DPH6: variants seen among roughly 807,000 people sequenced by gnomAD.
The protein encoded by DPH6 is diphthine--ammonia ligase.
A neutral mutation model predicts 38.2 loss-of-function variants in DPH6; 33 were observed. That is an observed-to-expected ratio of 0.86 (90% CI 0.65 to 1.15). The LOEUF (loss-of-function observed/expected upper bound fraction) is 1.15. Ranked by LOEUF, DPH6 falls within the 50% of genes most tolerant of loss-of-function variation. The probability of loss-of-function intolerance (pLI) is 0.00; values close to 1 mark genes in which losing one functional copy is unlikely to be tolerated. For synonymous variants in DPH6, 108 were observed against 103.0 expected, an observed-to-expected ratio of 1.05 and a Z score of -0.30; for missense variants, 325 against 320.0, an observed-to-expected ratio of 1.02 and a Z score of -0.12.
chr15:35,431,023 T>C (rs994390710), intron 5 of DPH6, among the ~76,000 whole-genome samples: 1 of 152,162 alleles, frequency 6.6e-6, no homozygotes, highest in African/African-American at 2.4e-5. Context: ...TTTATTTTTC[T>C]TGCCTATATT....
At chr15:35,334,405 T>G (rs1817457745) in intron 3 of DPH6, among the ~76,000 whole-genome samples, 1 of 152,114 alleles carries the variant, frequency 6.6e-6, no homozygotes, top group African/African-American at 2.4e-5. Context: ...TCTTCTACTT[T>G]TATTTTAAGT....
downstream of DPH6, among the ~76,000 whole-genome samples, chr15:35,215,453 A>G (rs1051008852): frequency 3.3e-5 from 5 of 152,144 alleles, no homozygotes; most frequent in African/African-American, 1.2e-4. Flanking sequence ...CAGTGGTGTG[A>G]TCACTGCTCA....
chr15:35,331,091 A>C (rs576079145), intron 3 of DPH6: 4 of 152,298 alleles, frequency 2.6e-5, no homozygotes, highest in African/African-American at 9.6e-5. Flanking sequence ...GAAGAGTAAG[A>C]TAAAATAAAG....
At chr15:35,277,944 T>C (rs1316927906) in intron 3 of DPH6, among the ~76,000 whole-genome samples, 1 of 152,142 alleles carries the variant, frequency 6.6e-6, no homozygotes, top group Non-Finnish European at 1.5e-5. Context: ...TTGGAATTCA[T>C]ATTTAAAAGG....
intron 3 of DPH6, among the ~76,000 whole-genome samples, chr15:35,277,164 CT>C (rs371181686): frequency 7.8e-4 from 118 of 152,154 alleles, no homozygotes; most frequent in African/African-American, 2.8e-3. Flanking sequence ...ATGTATATTC[CT>C]AAGTATTTCT....
chr15:35,400,522 T>C (rs769003973), intron 6 of DPH6, among the ~76,000 whole-genome samples: 3 of 152,102 alleles, frequency 2.0e-5, no homozygotes, highest in Non-Finnish European at 4.4e-5. Context: ...ATCAGAGACA[T>C]AGAGGTAAAT....
At chr15:35,508,217 C>T (rs2054721816) in intron 3 of DPH6, among the ~76,000 whole-genome samples, 1 of 152,056 alleles carries the variant, frequency 6.6e-6, no homozygotes, top group South Asian at 2.1e-4. Context: ...AGACTTTGCC[C>T]AACAAATAGC....
At chr15:35,297,039 A>C (rs1007332096) in intron 3 of DPH6, among the ~76,000 whole-genome samples, 1 of 152,038 alleles carries the variant, frequency 6.6e-6, no homozygotes, top group Non-Finnish European at 1.5e-5. Context: ...TCACAATAGA[A>C]TTATCCCTGC....
At chr15:35,222,992 T>G (rs2051452758) in intron 3 of DPH6, among the ~76,000 whole-genome samples, 1 of 152,174 alleles carries the variant, frequency 6.6e-6, no homozygotes, top group Non-Finnish European at 1.5e-5. Context: ...GCTTGGCGAT[T>G]TTGGCGTCCA....
At chr15:35,267,363 G>T (rs2051789803) in intron 3 of DPH6, among the ~76,000 whole-genome samples, 1 of 151,968 alleles carries the variant, frequency 6.6e-6, no homozygotes, top group Admixed American at 6.6e-5. Flanking sequence ...TAGATCTGCA[G>T]CAGGACTGAG....
At chr15:35,327,567 T>G (rs747736504), downstream of DPH6, among the ~76,000 whole-genome samples, 16 of 152,098 alleles carry the variant, frequency 1.1e-4, no homozygotes, top group South Asian at 2.1e-4. Context: ...GGATGGTCTC[T>G]ATCTGCTGAC....
intron 3 of DPH6, among the ~76,000 whole-genome samples, chr15:35,464,930 C>G (rs2054110025): frequency 6.6e-6 from 1 of 152,156 alleles, no homozygotes; most frequent in African/African-American, 2.4e-5. Context: ...GCAACCAATA[C>G]AGAGTTTGAG....
Position 35,344,879 on chromosome 15 carries a change from A to G in DPH6, n.208-13802T>C, listed in dbSNP as rs2052449088. Among the ~76,000 whole-genome samples, 4 of 152,014 alleles carry G rather than the reference A, an allele frequency of 2.6e-5. No individual in the cohort carries two copies. The South Asian group carries it at 8.3e-4, about 32-fold the overall frequency. On this transcript the variant is annotated intron_variant and non_coding_transcript_variant, in intron 3 of 3. Transcript: ENST00000558973. ...ACCTAATCCTGGGGAATTACTTTTA[A>G]AACAGTGGGAATCATATTTCTAAAA...
the DPH6 span, among the ~76,000 whole-genome samples, chr15:35,170,812 T>C: frequency 6.6e-6 from 1 of 152,186 alleles, no homozygotes; most frequent in African/African-American, 2.4e-5. Context: ...TCTCATTGAC[T>C]GGATAGGGGG....
intron 6 of DPH6, among the ~76,000 whole-genome samples, chr15:35,394,737 C>A (rs1357521355): frequency 1.3e-5 from 2 of 152,126 alleles, no homozygotes; most frequent in Non-Finnish European, 2.9e-5. Context: ...GACAATAGTA[C>A]CAACCTCATA....
At chr15:35,323,014 T>C (rs2052253570) in intron 3 of DPH6, among the ~76,000 whole-genome samples, 1 of 152,164 alleles carries the variant, frequency 6.6e-6, no homozygotes, top group South Asian at 2.1e-4. Context: ...AACAGAATTT[T>C]TAACATTTTC....
chr15:35,237,290 C>T (rs1266384792), intron 3 of DPH6: 38 of 1,545,894 alleles, frequency 2.5e-5, no homozygotes, highest in Non-Finnish European at 3.2e-5. Context: ...TGATTGAATT[C>T]CAGCGGCGCG....
chr15:35,339,826 A>G (rs1244991825), intron 3 of DPH6, among the ~76,000 whole-genome samples: 1 of 152,084 alleles, frequency 6.6e-6, no homozygotes, highest in East Asian at 1.9e-4. Context: ...CTTTAGAGTA[A>G]GTGTTGTGTG....
At chr15:35,476,604 A>G (rs2054266518) in intron 3 of DPH6, among the ~76,000 whole-genome samples, 1 of 151,764 alleles carries the variant, frequency 6.6e-6, no homozygotes, top group South Asian at 2.1e-4. Flanking sequence ...TTGCTGCTAC[A>G]TTATAGTCAA....
Sources: allele counts gnomAD v4.1 joint callset (sites outside exome capture counted in the v4.1 genomes callset), GRCh38; gene constraint gnomAD v4.1.1; transcripts MANE v1.5; gene names NCBI Gene and HGNC (gene_info 2026-07-23, HGNC 2026-07-21).